The following SIGLEC5 variants were observed in gnomAD, a reference collection of about 807,000 sequenced individuals.
SIGLEC5 encodes sialic acid-binding Ig-like lectin 5.
In SIGLEC5, 34 loss-of-function variants were observed where a neutral mutation model predicts 45.9. The observed-to-expected ratio is 0.74, with a 90% CI of 0.56 to 0.99. The LOEUF is 0.99. Ranked by LOEUF, SIGLEC5 falls within the 50% of genes least tolerant of loss-of-function variation. The pLI is 0.00. For missense variants in SIGLEC5, 508 were observed against 629.6 expected, an observed-to-expected ratio of 0.81 and a Z score of 2.07; for synonymous variants, 203 against 258.6, an observed-to-expected ratio of 0.79 and a Z score of 2.06.
At position 51,627,911 on chromosome 19, in the gene SIGLEC5, G is replaced by A. The variant is rs1983560687; in HGVS notation, c.920C>T (p.Ala307Val). ...GILELRRVRSAEEGGFTCRAQ... is the reference protein window; with the variant it reads ...GILELRRVRSVEEGGFTCRAQ... Reference sequence around the variant, plus strand: ...GCGGCAGGTGAAGCCTCCTTCTTCTGCAGACCTTACTCGACGAAGCTCCAA... The same window carrying A: ...GCGGCAGGTGAAGCCTCCTTCTTCTACAGACCTTACTCGACGAAGCTCCAA... Residue 307 changes from alanine (A) to valine (V), a missense_variant, in exon 5 of 9, where the codon GCA becomes GTA. This residue lies in a region of SIGLEC5 where 431 missense variants were observed against 428.8 expected (regional missense o/e 1.01). Transcript: ENST00000683636. 2.5e-6 allele frequency: 4 copies of A among 1,614,078 alleles called. No individual in the cohort carries two copies. Among genetic ancestry groups the A allele is most frequent in the Non-Finnish European group, 3.4e-6 (4 of 1,179,976 alleles).
chr19:51,624,932 C>A (rs556008965), intron 8 of SIGLEC5, among the ~76,000 whole-genome samples: 4 of 151,426 alleles, frequency 2.6e-5, no homozygotes, highest in Non-Finnish European at 2.9e-5. Context: ...CCAGTGCACT[C>A]CAGCCTGGGT....
Position 51,627,139 on chromosome 19 carries a change from CAAGACTTACATTAAA to C in SIGLEC5, c.1377_1382+9del. The C allele has an allele frequency of 6.2e-7, 1 of 1,609,358 alleles. No homozygotes were observed. The highest frequency in any genetic ancestry group is 1.1e-5 in the South Asian group (1 of 90,972). Reference sequence around the variant, plus strand: ...CACCACCCTGTACCTTCCCTGGGACCAAGACTTACATTAAAAAGAAGATGAGGCACAGACAGATAC... The same window carrying C: ...CACCACCCTGTACCTTCCCTGGGACCAAGAAGATGAGGCACAGACAGATAC... On this transcript the variant is annotated splice_donor_variant and splice_donor_5th_base_variant and coding_sequence_variant and intron_variant, in exon 7 of 9. Transcript: ENST00000683636. LOFTEE classifies it high-confidence loss of function.
intron 8 of SIGLEC5, among the ~76,000 whole-genome samples, chr19:51,625,644 A>T (rs1177338261): frequency 6.6e-6 from 1 of 152,248 alleles, no homozygotes; most frequent in African/African-American, 2.4e-5. Flanking sequence ...TGCCTGCCTA[A>T]CATGGCAAAA....
At chr19:51,622,121 CTTTTTTG>C (rs1360046622) in intron 8 of SIGLEC5, among the ~76,000 whole-genome samples, 2 of 151,506 alleles carry the variant, frequency 1.3e-5, no homozygotes, top group African/African-American at 4.9e-5. Context: ...TTTTGTTTTG[CTTTTTTG>C]TTTTTTGTTT....
At chr19:51,625,694 G>A (rs766718846) in intron 8 of SIGLEC5, among the ~76,000 whole-genome samples, 1 of 152,204 alleles carries the variant, frequency 6.6e-6, no homozygotes, top group Admixed American at 6.5e-5. Context: ...GCCGGGCATG[G>A]TGGTGTGCGC....
At chr19:51,626,190 A>T in intron 7 of SIGLEC5, 77 bp from the exon 8 acceptor site, 2 of 1,176,688 alleles carry the variant, frequency 1.7e-6, no homozygotes, top group South Asian at 2.4e-5. Flanking sequence ...CCATGCTAAG[A>T]TGGTGAAAAT....
intron 4 of SIGLEC5, among the ~76,000 whole-genome samples, chr19:51,628,501 AC>A (rs1191428396): frequency 6.6e-6 from 1 of 152,162 alleles, no homozygotes; most frequent in African/African-American, 2.4e-5. Flanking sequence ...AAAGAACCAG[AC>A]CACAGGAGGG....
chr19:51,618,857 TGTTCA>T (rs1268117582), intron 8 of SIGLEC5, among the ~76,000 whole-genome samples: 1 of 141,090 alleles, frequency 7.1e-6, no homozygotes, highest in Non-Finnish European at 1.5e-5. Context: ...TTTGATAAAA[TGTTCA>T]GTTCACTGAG....
chr19:51,622,602 G>A (rs908843255), intron 8 of SIGLEC5, among the ~76,000 whole-genome samples: 1 of 152,142 alleles, frequency 6.6e-6, no homozygotes, highest in Non-Finnish European at 1.5e-5. Context: ...TTGACTATTG[G>A]AGTAGAATAG....
At chr19:51,625,956 T>G in intron 8 of SIGLEC5, 76 bp downstream of exon 8, 1 of 1,168,096 alleles carries the variant, frequency 8.6e-7, no homozygotes, top group Non-Finnish European at 1.3e-6. Flanking sequence ...GAGGAGTGGG[T>G]TTGGTGGAAT....
intron 8 of SIGLEC5, among the ~76,000 whole-genome samples, chr19:51,616,574 A>C (rs1483986120): frequency 1.3e-5 from 2 of 152,140 alleles, no homozygotes; most frequent in Non-Finnish European, 1.5e-5. Context: ...GGAAGGATGA[A>C]GACTAGAACA....
rs780435059 is a variant in SIGLEC5, at chr19:51,629,043, C to G, written c.734G>C (p.Gly245Ala). Residue 245 changes from glycine to alanine, a missense_variant, in exon 4 of 9, where the codon GGC becomes GCC. Gly to Ala is a moderately conservative substitution (Grantham distance 60). Transcript: ENST00000683636. ...AGAGAGGAGGTCTTTCCTACCTATG[C>G]CGTTCCTGAAGATGGTGATGGTCTG... ...APQTITIFRN[G>A]IALEILQNTS... 3.1e-6 allele frequency: 5 copies of G among 1,613,686 alleles called. No individual in the cohort carries two copies. In the East Asian group the frequency reaches 1.1e-4, roughly 36 times the overall value.
intron 8 of SIGLEC5, among the ~76,000 whole-genome samples, chr19:51,618,792 CA>C (rs398035001): frequency 7.9e-4 from 38 of 48,304 alleles, no homozygotes; most frequent in South Asian, 2.8e-3. Flanking sequence ...ACTCTGTCTC[CA>C]AAAAAAAAAA....
intron 8 of SIGLEC5, among the ~76,000 whole-genome samples, chr19:51,618,038 T>C (rs562082154): frequency 6.7e-6 from 1 of 150,226 alleles, no homozygotes; most frequent in East Asian, 1.9e-4. Context: ...GCTCAAGCGA[T>C]GCTCCTACCT....
chr19:51,626,029 C>T lies in SIGLEC5; in HGVS notation c.1464+3G>A, dbSNP rs903273518. The T allele has an allele frequency of 6.2e-7, 1 of 1,612,852 alleles. No individual in the cohort carries two copies. The highest frequency in any genetic ancestry group is 8.5e-7 in the Non-Finnish European group (1 of 1,179,042). ...CACATGAGAAGATCCCCAAACCACT[C>T]ACCGAGGTGATGGTACCCATAATGG... On this transcript the variant is annotated splice_donor_region_variant and intron_variant, in intron 8 of 8. Transcript: ENST00000683636.
At chr19:51,621,436 A>G (rs1983275985) in intron 8 of SIGLEC5, 1 of 152,226 alleles carries the variant, frequency 6.6e-6, no homozygotes, top group East Asian at 1.9e-4. Flanking sequence ...AAAAGTGATT[A>G]TTCAGGACAG....
At chr19:51,624,599 GA>G (rs1386933278) in intron 8 of SIGLEC5, among the ~76,000 whole-genome samples, 2 of 152,054 alleles carry the variant, frequency 1.3e-5, no homozygotes, top group Non-Finnish European at 2.9e-5. Flanking sequence ...AAGAGGAGAG[GA>G]GACACGCTGG....
chr19:51,619,375 C>T (rs936314805), intron 8 of SIGLEC5, among the ~76,000 whole-genome samples: 7 of 152,236 alleles, frequency 4.6e-5, no homozygotes, highest in African/African-American at 7.2e-5. Flanking sequence ...CCACCGCACC[C>T]GGCTAAAAAC....
chr19:51,627,542 C>T lies in SIGLEC5; in HGVS notation c.1202G>A (p.Gly401Glu), dbSNP rs756460189. The change falls in exon 6 of 9, where the codon GGG (glycine) becomes GAG (glutamate). Residue 401 changes from glycine (G) to glutamate (E), a missense_variant. Physicochemically the swap from Gly to Glu is moderately conservative, Grantham distance 98. Around this residue, in one of 2 missense-constraint regions of SIGLEC5, gnomAD observed 431 missense variants for 428.8 expected, o/e 1.01. Coordinates refer to ENST00000683636, the MANE Select transcript of SIGLEC5 (RefSeq NM_003830.4). The part of the protein sequence containing the change: ...WANSSLILHG[G>E]LSSDLKVSCK... ...GCTGACTTTGAGGTCGGAGCTGAGC[C>T]CCCCGTGGAGGATCAGGGAGCTGTT... The T allele has an allele frequency of 3.1e-6, 5 of 1,613,988 alleles. No individual in the cohort carries two copies. The highest frequency in any genetic ancestry group is 2.7e-5 in the African/African-American group (2 of 74,934).
Sources: gnomAD v4.1 joint callset for allele counts (sites outside exome capture counted in the v4.1 genomes callset) on GRCh38, gnomAD v4.1.1 for gene constraint, gnomAD v4.1.1 regional missense constraint, MANE v1.5 for transcripts, NCBI Gene and HGNC (gene_info 2026-07-23, HGNC 2026-07-21) for gene names.